ZNF704: variants seen among roughly 807,000 people sequenced by gnomAD.
The protein encoded by ZNF704 is zinc finger protein 704.
In ZNF704, 10 loss-of-function variants were observed where a neutral mutation model predicts 44.7. That is an observed-to-expected ratio of 0.22 (90% CI 0.14 to 0.38). The LOEUF (loss-of-function observed/expected upper bound fraction) is 0.38. Among genes scored for constraint, ZNF704 ranks in the 10% least tolerant of loss-of-function variants. The pLI is 1.00. For missense variants in ZNF704, 390 were observed against 545.5 expected (o/e 0.71, Z 2.84); for synonymous variants, 211 against 207.6 (o/e 1.02, Z -0.14).
intron 2 of ZNF704, among the ~76,000 whole-genome samples, chr8:80,722,825 C>T (rs543263970): frequency 4.8e-4 from 73 of 152,264 alleles, no homozygotes; most frequent in African/African-American, 1.7e-3. Context: ...CTCTCTCCCA[C>T]TTTAAGAAAA....
intron 2 of ZNF704, among the ~76,000 whole-genome samples, chr8:80,714,574 C>T (rs907411051): frequency 6.6e-6 from 1 of 152,182 alleles, no homozygotes; most frequent in Non-Finnish European, 1.5e-5. Flanking sequence ...TTACTGAATA[C>T]TCTAATGATC....
At position 80,638,918 on chromosome 8, in the gene ZNF704, T is replaced by C. The variant is rs1817700692; in HGVS notation, c.*2448A>G. On this transcript the variant is annotated 3_prime_UTR_variant, in exon 9 of 9. Coordinates refer to ENST00000327835, the MANE Select transcript of ZNF704 (RefSeq NM_001033723.3). The stretch of plus-strand genomic sequence containing the variant: ...AGATCCCAGGGAAGCTACATTCAGC[T>C]CTGTAGTTCTGCTTATACCTGTGCA... The C allele has an allele frequency of 6.6e-6, 1 of 152,288 alleles. No homozygotes were observed. Among genetic ancestry groups the C allele is most frequent in the Non-Finnish European group, 1.5e-5 (1 of 68,102 alleles). 9.4% of individuals were successfully genotyped at this position (152,288 alleles called of 1,614,324 possible).
chr8:80,801,653 C>T (rs992903103), intron 2 of ZNF704, among the ~76,000 whole-genome samples: 13 of 152,188 alleles, frequency 8.5e-5, no homozygotes, highest in African/African-American at 2.4e-4. Context: ...ATCTCTGGGA[C>T]GTAGCTAAAG....
intron 2 of ZNF704, among the ~76,000 whole-genome samples, chr8:80,719,335 A>C (rs1199586082): frequency 1.3e-5 from 2 of 152,188 alleles, no homozygotes; most frequent in Non-Finnish European, 2.9e-5. Context: ...AGAGGAAGTC[A>C]TTAGTGACAT....
intron 1 of ZNF704, among the ~76,000 whole-genome samples, chr8:80,842,829 C>T (rs959002385): frequency 2.0e-5 from 3 of 152,196 alleles, no homozygotes; most frequent in Non-Finnish European, 2.9e-5. Context: ...AGGAAGTGTT[C>T]AGCAATGGCA....
chr8:80,704,576 C>T (rs914654288), intron 2 of ZNF704, among the ~76,000 whole-genome samples: 8 of 152,142 alleles, frequency 5.3e-5, no homozygotes, highest in African/African-American at 1.9e-4. Flanking sequence ...TTCCGGGCAC[C>T]GACCCCGACC....
At chr8:80,792,951 T>C (rs1171867199) in intron 2 of ZNF704, among the ~76,000 whole-genome samples, 1 of 152,232 alleles carries the variant, frequency 6.6e-6, no homozygotes, top group Non-Finnish European at 1.5e-5. Context: ...AACTGATGCA[T>C]GTTGTTTCAA....
At chr8:80,641,644 G>C (rs1341887185) in intron 8 of ZNF704, among the ~76,000 whole-genome samples, 167 bp from the exon 9 acceptor site, 1 of 151,576 alleles carries the variant, frequency 6.6e-6, no homozygotes, top group Non-Finnish European at 1.5e-5. Flanking sequence ...GAGGTGGGCG[G>C]ATCACCAGAG....
intron 4 of ZNF704, among the ~76,000 whole-genome samples, chr8:80,672,700 A>G (rs1159226888): frequency 6.6e-6 from 1 of 152,178 alleles, no homozygotes; most frequent in African/African-American, 2.4e-5. Flanking sequence ...TCTAAGTGGG[A>G]GCTAAACGAT....
intron 2 of ZNF704, among the ~76,000 whole-genome samples, chr8:80,746,358 C>T (rs1183993183): frequency 6.6e-6 from 1 of 152,144 alleles, no homozygotes; most frequent in Non-Finnish European, 1.5e-5. Context: ...TTTAATAGGG[C>T]AGACCTGGGT....
chr8:80,680,464 C>A (rs998313568), intron 4 of ZNF704, among the ~76,000 whole-genome samples: 12 of 151,430 alleles, frequency 7.9e-5, no homozygotes, highest in Non-Finnish European at 1.5e-4. Context: ...GGACCAGGGA[C>A]CTTGACGGAC....
intron 2 of ZNF704, among the ~76,000 whole-genome samples, chr8:80,735,261 A>C (rs543929587): frequency 6.6e-6 from 1 of 152,268 alleles, no homozygotes; most frequent in African/African-American, 2.4e-5. Context: ...ACCTATCCAA[A>C]CTATACCCAT....
At chr8:80,813,823 G>A (rs537318941) in intron 2 of ZNF704, among the ~76,000 whole-genome samples, 1 of 152,148 alleles carries the variant, frequency 6.6e-6, no homozygotes, top group Non-Finnish European at 1.5e-5. Flanking sequence ...AGCTTGCAGT[G>A]AGCAGAGATG....
chr8:80,691,974 C>T (rs576775852), intron 3 of ZNF704, among the ~76,000 whole-genome samples: 66 of 152,320 alleles, frequency 4.3e-4, no homozygotes, highest in African/African-American at 1.5e-3. Context: ...GCATTCTTCA[C>T]ATTTCTCGAT....
chr8:80,838,150 C>T (rs182726046), intron 1 of ZNF704, among the ~76,000 whole-genome samples: 2 of 152,240 alleles, frequency 1.3e-5, no homozygotes. Flanking sequence ...GAGAGAGATT[C>T]GTGGGAACAG....
chr8:80,737,006 G>C (rs1806678749), intron 2 of ZNF704, among the ~76,000 whole-genome samples: 1 of 151,836 alleles, frequency 6.6e-6, no homozygotes, highest in Admixed American at 6.6e-5. Flanking sequence ...CTTCCAAGTA[G>C]AGAGGAAATG....
chr8:80,741,252 A>G (rs962436875), intron 2 of ZNF704, among the ~76,000 whole-genome samples: 1 of 152,244 alleles, frequency 6.6e-6, no homozygotes, highest in African/African-American at 2.4e-5. Flanking sequence ...CTGAAGCAGA[A>G]GCGGCTTTCC....
intron 7 of ZNF704, among the ~76,000 whole-genome samples, chr8:80,659,114 G>T (rs1818058740): frequency 6.6e-6 from 1 of 152,134 alleles, no homozygotes; most frequent in African/African-American, 2.4e-5. Context: ...TTTAGTTTCA[G>T]ATTATCCATC....
At chr8:80,713,760 C>T (rs1481709590) in intron 2 of ZNF704, among the ~76,000 whole-genome samples, 1 of 152,188 alleles carries the variant, frequency 6.6e-6, no homozygotes, top group Non-Finnish European at 1.5e-5. Flanking sequence ...TCGCTGTCAT[C>T]TTAGAAGCTG....
Sources: allele counts gnomAD v4.1 joint callset (sites outside exome capture counted in the v4.1 genomes callset), GRCh38; gene constraint gnomAD v4.1.1; transcripts MANE v1.5; gene names NCBI Gene and HGNC (gene_info 2026-07-23, HGNC 2026-07-21).